ATG5: variants seen among roughly 807,000 people sequenced by gnomAD.
ATG5 encodes the protein autophagy protein 5.
Under a neutral mutation model 36.5 loss-of-function variants are expected in ATG5, and 14 were observed. The ratio of observed to expected loss-of-function variants is 0.38; its 90% CI spans 0.25 to 0.60. The LOEUF (loss-of-function observed/expected upper bound fraction) is 0.60. Ranked by LOEUF, ATG5 falls within the 20% of genes least tolerant of loss-of-function variation. The pLI is 0.60. For missense variants in ATG5, 195 were observed against 326.7 expected, an observed-to-expected ratio of 0.60 and a Z score of 3.11; for synonymous variants, 95 against 101.5, an observed-to-expected ratio of 0.94 and a Z score of 0.38.
Position 106,199,357 on chromosome 6 carries a change from T to G in ATG5, c.691+2615A>C, listed in dbSNP as rs1776330022. 2.0e-5 allele frequency among the ~76,000 whole-genome samples: 3 copies of G among 152,328 alleles called. No individual in the cohort carries two copies. The South Asian group carries it at 6.2e-4, about 32-fold the overall frequency. On this transcript the variant is annotated intron_variant, in intron 7 of 7. Coordinates refer to ENST00000369076, the MANE Select transcript of ATG5 (RefSeq NM_004849.4). The stretch of plus-strand genomic sequence containing the variant: ...TGGTACAGGGAGAACCAAAATGTGA[T>G]GTATCTACCCAATGGAGTATTATTC...
chr6:106,304,212 C>T (rs1368399772), intron 3 of ATG5: 4 of 151,974 alleles, frequency 2.6e-5, no homozygotes, highest in African/African-American at 4.8e-5. Flanking sequence ...AAAATTAGAA[C>T]GATACAGAGA....
At chr6:106,242,138 TCACA>T (rs57802675) in intron 6 of ATG5, among the ~76,000 whole-genome samples, 2 of 150,510 alleles carry the variant, frequency 1.3e-5, no homozygotes, top group Non-Finnish European at 3.0e-5. Flanking sequence ...ACACACATAC[TCACA>T]CACACACACA....
At chr6:106,269,301 T>C (rs1011968078) in intron 5 of ATG5, among the ~76,000 whole-genome samples, 1 of 152,162 alleles carries the variant, frequency 6.6e-6, no homozygotes, top group Non-Finnish European at 1.5e-5. Flanking sequence ...TTACAACCCC[T>C]GAGCTAGACA....
At chr6:106,317,536 T>C (rs1770897854) in intron 1 of ATG5, among the ~76,000 whole-genome samples, 2 of 152,308 alleles carry the variant, frequency 1.3e-5, no homozygotes, top group South Asian at 2.1e-4. Flanking sequence ...GGAAAAAATA[T>C]GTCCAACATA....
In ATG5 at chr6:106,209,481, A is replaced by G. The variant is rs1318111673; in HGVS notation, c.574-7392T>C. Among the ~76,000 whole-genome samples, 6 of 152,220 alleles carry G rather than the reference A, an allele frequency of 3.9e-5. No individual in the cohort carries two copies. The East Asian group carries it at 5.8e-4, about 15-fold the overall frequency. ...TGATATAACATTAGTGAAATGACAA[A>G]AATTTTAGAAATGGAAAACAAATTA... On this transcript the variant is annotated intron_variant, in intron 6 of 7. Transcript: ENST00000369076.
intron 6 of ATG5, among the ~76,000 whole-genome samples, chr6:106,245,940 A>T (rs1188253389): frequency 6.6e-6 from 1 of 152,194 alleles, no homozygotes; most frequent in Non-Finnish European, 1.5e-5. Flanking sequence ...CAATTAGGCA[A>T]ACAAAAATAG....
At chr6:106,294,845 G>GGAAAAAAAAAAA (rs1780473550) in intron 3 of ATG5, among the ~76,000 whole-genome samples, 1 of 85,946 alleles carries the variant, frequency 1.2e-5, no homozygotes, top group East Asian at 3.7e-4. Context: ...CTTTTCTCAA[G>GGAAAAAAAAAAA]AAAAAAAAAA....
At chr6:106,204,743 T>C (rs1490022956) in intron 6 of ATG5, among the ~76,000 whole-genome samples, 2 of 152,206 alleles carry the variant, frequency 1.3e-5, no homozygotes, top group African/African-American at 4.8e-5. Flanking sequence ...CTTTCTGCCA[T>C]GATTTTAAGT....
intron 4 of ATG5, among the ~76,000 whole-genome samples, chr6:106,286,635 G>A (rs2114616277): frequency 6.6e-6 from 1 of 152,226 alleles, no homozygotes; most frequent in South Asian, 2.1e-4. Context: ...AAAGGTGATG[G>A]GATGTTACCC....
At chr6:106,296,444 A>G (rs1562261802) in intron 3 of ATG5, among the ~76,000 whole-genome samples, 1 of 152,252 alleles carries the variant, frequency 6.6e-6, no homozygotes, top group Non-Finnish European at 1.5e-5. Flanking sequence ...GATGCCTAGA[A>G]GGATGATAGA....
intron 1 of ATG5, among the ~76,000 whole-genome samples, chr6:106,320,516 C>G (rs1375307274): frequency 6.6e-6 from 1 of 151,844 alleles, no homozygotes; most frequent in African/African-American, 2.4e-5. Flanking sequence ...ATACCATAAC[C>G]TGTCTTAACA....
chr6:106,209,914 C>T (rs1433281781), intron 6 of ATG5, among the ~76,000 whole-genome samples: 5 of 152,134 alleles, frequency 3.3e-5, no homozygotes, highest in African/African-American at 9.7e-5. Context: ...TCTCTGAGGA[C>T]CTGTAGCATT....
At chr6:106,274,157 AT>A (rs1157189424) in intron 5 of ATG5, among the ~76,000 whole-genome samples, 1 of 152,170 alleles carries the variant, frequency 6.6e-6, no homozygotes, top group Non-Finnish European at 1.5e-5. Context: ...TGGTAAAAAC[AT>A]TTTTTATAGA....
intron 7 of ATG5, among the ~76,000 whole-genome samples, chr6:106,189,396 G>T (rs1028024098): frequency 1.3e-5 from 2 of 151,970 alleles, no homozygotes; most frequent in African/African-American, 4.8e-5. Flanking sequence ...CTTGAGCCCA[G>T]GAATTTGAGA....
At chr6:106,226,332 G>A (rs1777451688) in intron 6 of ATG5, among the ~76,000 whole-genome samples, 2 of 152,190 alleles carry the variant, frequency 1.3e-5, no homozygotes, top group Non-Finnish European at 2.9e-5. Flanking sequence ...AAGGGGGGAA[G>A]CATCTGGTTT....
intron 7 of ATG5, among the ~76,000 whole-genome samples, chr6:106,191,388 T>G (rs1334240873): frequency 6.6e-6 from 1 of 152,140 alleles, no homozygotes; most frequent in African/African-American, 2.4e-5. Context: ...CTCATTTAAC[T>G]CTGTGGGTCA....
chr6:106,311,672 A>G (rs1770650085), intron 2 of ATG5, among the ~76,000 whole-genome samples: 1 of 152,198 alleles, frequency 6.6e-6, no homozygotes, highest in African/African-American at 2.4e-5. Flanking sequence ...ACTAAATGAA[A>G]GATCCTAAAA....
rs114999093 is a variant in ATG5, at chr6:106,296,067, C to G, written c.237-2961G>C. On this transcript the variant is annotated intron_variant, in intron 3 of 7. Coordinates refer to ENST00000369076, the MANE Select transcript of ATG5 (RefSeq NM_004849.4). The stretch of plus-strand genomic sequence containing the variant: ...TGCATAAATCGAAGAAGTCCACAGA[C>G]TAACCCTAGGTACAACATAAAGATC... Among the ~76,000 whole-genome samples the G allele has an allele frequency of 2.9e-3, 447 of 152,268 alleles. 2 individuals are homozygous for G. The highest frequency in any genetic ancestry group is 0.01 in the African/African-American group (418 of 41,560).
intron 6 of ATG5, among the ~76,000 whole-genome samples, chr6:106,242,802 T>C (rs1018862753): frequency 3.9e-5 from 6 of 152,346 alleles, no homozygotes; most frequent in Middle Eastern, 6.8e-3. Context: ...CAGTAAGTCC[T>C]TCTTTCATGG....
Sources: allele counts gnomAD v4.1 joint callset (sites outside exome capture counted in the v4.1 genomes callset), GRCh38; gene constraint gnomAD v4.1.1; transcripts MANE v1.5; gene names NCBI Gene and HGNC (gene_info 2026-07-23, HGNC 2026-07-21).